LIMS1: variants seen among roughly 807,000 people sequenced by gnomAD.
LIMS1 encodes the protein LIM zinc finger domain containing 1.
A neutral mutation model predicts 44.1 loss-of-function variants in LIMS1; 18 were observed. The observed-to-expected ratio is 0.41, with a 90% CI of 0.28 to 0.61. LIMS1 has a LOEUF of 0.61. Ranked by LOEUF, LIMS1 falls within the 20% of genes least tolerant of loss-of-function variation. The probability of loss-of-function intolerance (pLI) is 0.32; values close to 1 mark genes in which losing one functional copy is unlikely to be tolerated. For missense variants in LIMS1, 201 were observed against 422.0 expected, an observed-to-expected ratio of 0.48 and a Z score of 4.59; for synonymous variants, 93 against 149.1, an observed-to-expected ratio of 0.62 and a Z score of 2.74.
At chr2:108,675,015 C>T (rs909048345) in intron 5 of LIMS1, among the ~76,000 whole-genome samples, 1 of 151,854 alleles carries the variant, frequency 6.6e-6, no homozygotes, top group African/African-American at 2.4e-5. Flanking sequence ...AAGGAAAATT[C>T]TGGGCATTTT....
At chr2:108,618,207 CT>C (rs758565926) in intron 1 of LIMS1, among the ~76,000 whole-genome samples, 3 of 152,122 alleles carry the variant, frequency 2.0e-5, no homozygotes, top group Non-Finnish European at 4.4e-5. Flanking sequence ...AAAAATATCT[CT>C]ATTTGGAAAC....
chr2:108,665,558 G>A (rs562813831), intron 2 of LIMS1, among the ~76,000 whole-genome samples: 4 of 151,458 alleles, frequency 2.6e-5, no homozygotes, highest in East Asian at 3.9e-4. Context: ...ACAGAGTTTC[G>A]CTCTGTCGCC....
chr2:108,613,563 A>C (rs1687774080), intron 1 of LIMS1, among the ~76,000 whole-genome samples: 1 of 151,974 alleles, frequency 6.6e-6, no homozygotes, highest in South Asian at 2.1e-4. Context: ...TGGCTAGCTC[A>C]AGCTGCTGTC....
At chr2:108,589,255 A>G (rs1686257835) in intron 1 of LIMS1, among the ~76,000 whole-genome samples, 1 of 152,044 alleles carries the variant, frequency 6.6e-6, no homozygotes, top group African/African-American at 2.4e-5. Context: ...GTACAATGTG[A>G]TATTTTGGTT....
chr2:108,671,270 G>A (rs983712212), intron 3 of LIMS1, among the ~76,000 whole-genome samples: 7 of 151,924 alleles, frequency 4.6e-5, no homozygotes, highest in African/African-American at 1.4e-4. Context: ...ATAACTGTTG[G>A]ATACTTCATC....
At chr2:108,534,975 C>G (rs1684076436) in intron 1 of LIMS1, among the ~76,000 whole-genome samples, 1 of 152,214 alleles carries the variant, frequency 6.6e-6, no homozygotes, top group African/African-American at 2.4e-5. Flanking sequence ...TGGTGGCTAT[C>G]TCCATAGACT....
intron 1 of LIMS1, among the ~76,000 whole-genome samples, chr2:108,638,748 G>A (rs115756043): frequency 0.021 from 3,213 of 149,476 alleles, 48 homozygotes; most frequent in Non-Finnish European, 0.025. Context: ...TCTGTCTCAA[G>A]AAAACTAAGC....
intron 1 of LIMS1, among the ~76,000 whole-genome samples, chr2:108,561,702 T>A (rs556819544): frequency 3.9e-5 from 6 of 152,072 alleles, no homozygotes; most frequent in African/African-American, 1.4e-4. Context: ...TTCTTTGTTA[T>A]GATTATATGT....
chr2:108,686,928 T>G (rs1558850469), exon 10 of LIMS1: 1 of 152,212 alleles, frequency 6.6e-6, no homozygotes. Flanking sequence ...AATTCATTGT[T>G]CATGCCAAAA....
intron 1 of LIMS1, among the ~76,000 whole-genome samples, chr2:108,614,174 G>A (rs1344891963): frequency 1.3e-5 from 2 of 152,072 alleles, no homozygotes; most frequent in East Asian, 1.9e-4. Context: ...TTTCTCATCC[G>A]CTTTAAACCT....
chr2:108,573,481 T>G (rs1276273090), intron 1 of LIMS1, among the ~76,000 whole-genome samples: 3 of 152,334 alleles, frequency 2.0e-5, no homozygotes, highest in East Asian at 3.9e-4. Flanking sequence ...CATTTTTATT[T>G]TTTATTTCTA....
At chr2:108,664,411 C>G (rs1181804278) in intron 2 of LIMS1, among the ~76,000 whole-genome samples, 1 of 152,194 alleles carries the variant, frequency 6.6e-6, no homozygotes. Context: ...CATCTTCCCC[C>G]ACACAGAGCG....
chr2:108,562,282 A>G (rs1449680952), intron 1 of LIMS1, among the ~76,000 whole-genome samples: 1 of 152,234 alleles, frequency 6.6e-6, no homozygotes, highest in Non-Finnish European at 1.5e-5. Flanking sequence ...AGTGAAAGGA[A>G]GAATCACACA....
intron 1 of LIMS1, among the ~76,000 whole-genome samples, chr2:108,617,085 T>C (rs1327275448): frequency 6.6e-5 from 10 of 152,166 alleles, no homozygotes; most frequent in Admixed American, 6.5e-4. Context: ...GCTCAACCAG[T>C]TTACGAGCCA....
intron 1 of LIMS1, among the ~76,000 whole-genome samples, chr2:108,637,099 ATGTGTGTGTGTGTG>A (rs74315160): frequency 5.9e-4 from 58 of 98,604 alleles, no homozygotes; most frequent in South Asian, 1.9e-3. Flanking sequence ...ATATACATAT[ATGTGTGTGTGTGTG>A]TGTGTGTGTG....
exon 10 of LIMS1, chr2:108,685,837 G>A (rs552522007): frequency 1.7e-4 from 26 of 152,188 alleles, no homozygotes; most frequent in Admixed American, 2.6e-4. Flanking sequence ...GCAGTATAGC[G>A]TCTTGATGCT....
At chr2:108,612,781 G>A (rs1340779091) in intron 1 of LIMS1, among the ~76,000 whole-genome samples, 1 of 152,090 alleles carries the variant, frequency 6.6e-6, no homozygotes, top group Non-Finnish European at 1.5e-5. Context: ...GAAGGTGTGG[G>A]CTGGCTGAGG....
Position 108,671,538 on chromosome 2 carries a change from G to A in LIMS1, c.259+691G>A, listed in dbSNP as rs539360125. Among the ~76,000 whole-genome samples the A allele has an allele frequency of 3.9e-3, 596 of 152,266 alleles. 8 individuals carry two copies. Among genetic ancestry groups the A allele is most frequent in the Non-Finnish European group, 2.4e-3 (163 of 68,032 alleles). On this transcript the variant is annotated intron_variant, in intron 3 of 9. Transcript: ENST00000544547. The stretch of plus-strand genomic sequence containing the variant: ...GATGCTTAAACATTGCTTGCACGGC[G>A]CATAAGTGATGGACTTGCTTGCACG...
chr2:108,619,671 G>T (rs1688131621), intron 1 of LIMS1, among the ~76,000 whole-genome samples: 1 of 152,114 alleles, frequency 6.6e-6, no homozygotes. Flanking sequence ...GTGACAGAGG[G>T]AGACTCTGTC....
Sources: allele counts gnomAD v4.1 joint callset (sites outside exome capture counted in the v4.1 genomes callset), GRCh38; gene constraint gnomAD v4.1.1; transcripts MANE v1.5; gene names NCBI Gene and HGNC (gene_info 2026-07-23, HGNC 2026-07-21).